LRRC9: variants seen among roughly 807,000 people sequenced by gnomAD.
The protein encoded by LRRC9 is leucine-rich repeat-containing protein 9.
In LRRC9, 122 loss-of-function variants were observed where a neutral mutation model predicts 63.2. The observed-to-expected ratio is 1.93, with a 90% CI of 1.67 to 2.24. The LOEUF is 2.24. Among genes scored for constraint, LRRC9 ranks in the 30% most tolerant of loss-of-function variants. The pLI, the probability that LRRC9 is intolerant of heterozygous loss-of-function variation, is 0.00. For missense variants in LRRC9, 1,071 were observed against 627.7 expected (o/e 1.71, Z -7.55); for synonymous variants, 366 against 213.1 (o/e 1.72, Z -6.25).
intron 8 of LRRC9, among the ~76,000 whole-genome samples, chr14:59,953,887 A>C (rs1883438533): frequency 6.6e-6 from 1 of 152,158 alleles, no homozygotes; most frequent in Non-Finnish European, 1.5e-5. Context: ...ATGGCTAGCC[A>C]GTTTTCTCAG....
rs1426783703 is a variant in LRRC9 at position 59,958,880 on chromosome 14, G to A, written c.883-938G>A. 1.3e-5 allele frequency among the ~76,000 whole-genome samples: 2 copies of A among 152,208 alleles called. No individual in the cohort carries two copies. Among genetic ancestry groups the A allele is most frequent in the Admixed American group, 1.3e-4 (2 of 15,288 alleles). On this transcript the variant is annotated intron_variant, in intron 8 of 31. Transcript: ENST00000445360. This position sits in a 1 kb window ranked among gnomAD's most constrained non-coding sequence, Gnocchi z 4.0. The stretch of plus-strand genomic sequence containing the variant: ...TGGGGGAGGGAGGTCCCTGCTCCTT[G>A]CACTTCCTGGGTGATGTGACACCCC...
intron 23 of LRRC9, among the ~76,000 whole-genome samples, chr14:60,011,874 CAGA>C (rs1890284940): frequency 2.0e-5 from 3 of 152,136 alleles, no homozygotes; most frequent in Admixed American, 1.3e-4. Flanking sequence ...TTTTATATGA[CAGA>C]AGATCATCTG....
intron 8 of LRRC9, among the ~76,000 whole-genome samples, chr14:59,953,672 C>T (rs895691837): frequency 1.4e-4 from 21 of 152,178 alleles, no homozygotes; most frequent in African/African-American, 4.8e-4. Flanking sequence ...TTATTAGATC[C>T]CATTTGTCAA....
chr14:59,943,359 T>C (rs1315276985), intron 7 of LRRC9, among the ~76,000 whole-genome samples: 1 of 152,140 alleles, frequency 6.6e-6, no homozygotes, highest in African/African-American at 2.4e-5. Flanking sequence ...TTCATTCTTC[T>C]GTATGTGGAT....
chr14:60,008,908 C>T (rs1890030662), intron 23 of LRRC9, among the ~76,000 whole-genome samples: 1 of 152,174 alleles, frequency 6.6e-6, no homozygotes, highest in South Asian at 2.1e-4. Context: ...ATTACTAATC[C>T]TAGCCCTTCT....
rs1212479765 is a variant in LRRC9, at chr14:60,031,334, A to C, written c.3922-661A>C. Among the ~76,000 whole-genome samples the C allele has an allele frequency of 6.6e-6, 1 of 152,068 alleles. No individual in the cohort carries two copies. Among genetic ancestry groups the C allele is most frequent in the East Asian group, 1.9e-4 (1 of 5,198 alleles). On this transcript the variant is annotated intron_variant, in intron 28 of 31. Coordinates refer to ENST00000445360, the Ensembl canonical transcript of LRRC9. The surrounding 1 kb of genome is among the most constrained non-coding windows in gnomAD (Gnocchi z 4.6). ...ACAAAGGAATACAGGCATGTCAATA[A>C]CTTTGTTGTGTTATATGAACTAGCA...
intron 15 of LRRC9, among the ~76,000 whole-genome samples, chr14:59,978,881 A>G (rs1341528189): frequency 6.6e-6 from 1 of 152,204 alleles, no homozygotes; most frequent in Non-Finnish European, 1.5e-5. Context: ...ACTGTTTTAC[A>G]AATTTCCAAG....
intron 29 of LRRC9, among the ~76,000 whole-genome samples, chr14:60,048,034 T>C (rs535432280): frequency 6.6e-6 from 1 of 152,328 alleles, no homozygotes; most frequent in African/African-American, 2.4e-5. Context: ...AACCTGCTCC[T>C]GAATGACTGC....
At position 60,042,093 on chromosome 14, in the gene LRRC9, T is replaced by C. The variant is rs1015098119; in HGVS notation, c.3990+10030T>C. On this transcript the variant is annotated intron_variant, in intron 29 of 31. Transcript: ENST00000445360. The surrounding 1 kb of genome is among the most constrained non-coding windows in gnomAD (Gnocchi z 4.2). Reference sequence around the variant, plus strand: ...ATTGCAGAACGGCAAATGTTGCTGCTTGATCCTTCCTCTGGAACCTTCGTC... The same window carrying C: ...ATTGCAGAACGGCAAATGTTGCTGCCTGATCCTTCCTCTGGAACCTTCGTC... 1.1e-4 allele frequency among the ~76,000 whole-genome samples: 16 copies of C among 152,186 alleles called. No homozygotes were observed. Among genetic ancestry groups the C allele is most frequent in the Non-Finnish European group, 2.1e-4 (14 of 68,032 alleles).
intron 31 of LRRC9, chr14:60,059,116 G>A (rs895017518): frequency 3.3e-5 from 5 of 151,840 alleles, no homozygotes; most frequent in Non-Finnish European, 5.9e-5. Context: ...TTCCTTCTCA[G>A]GTAAAAGCAT....
At chr14:59,949,270 A>C (rs1159130599) in intron 8 of LRRC9, among the ~76,000 whole-genome samples, 1 of 152,184 alleles carries the variant, frequency 6.6e-6, no homozygotes, top group Non-Finnish European at 1.5e-5. Flanking sequence ...TTATCCATTT[A>C]TTCTAGATTT....
chr14:60,032,265 T>C (rs1892051627), intron 29 of LRRC9, among the ~76,000 whole-genome samples: 1 of 152,142 alleles, frequency 6.6e-6, no homozygotes, highest in Non-Finnish European at 1.5e-5. Context: ...CTGTTTCAGG[T>C]TTCAACATTG....
Position 60,062,012 on chromosome 14 carries a change from C to CA in LRRC9, c.4277-1303dup, listed in dbSNP as rs887578557. The CA allele has an allele frequency of 1.2e-4, 48 of 397,782 alleles. 1 individual carries two copies. The South Asian group carries it at 1.3e-3, about 11-fold the overall frequency. 24.6% of individuals were successfully genotyped at this position (397,782 alleles called of 1,614,324 possible). On this transcript the variant is annotated intron_variant, in intron 31 of 31. Coordinates refer to ENST00000445360, the Ensembl canonical transcript of LRRC9. ...CAAATTTCTAATTTCTAATTTCAGA[C>CA]AAAAAAAACAAGAATGCTGGGATTC...
At chr14:59,957,268 A>G (rs981941307) in intron 8 of LRRC9, among the ~76,000 whole-genome samples, 1 of 152,084 alleles carries the variant, frequency 6.6e-6, no homozygotes, top group Admixed American at 6.6e-5. Context: ...GACCCCAATC[A>G]ACCAGAGATT....
At chr14:60,054,588 G>A (rs1240179971) in intron 30 of LRRC9, among the ~76,000 whole-genome samples, 2 of 152,020 alleles carry the variant, frequency 1.3e-5, no homozygotes, top group Non-Finnish European at 1.5e-5. Context: ...AACCAAAACT[G>A]GAAATTGTAG....
intron 17 of LRRC9, among the ~76,000 whole-genome samples, chr14:59,988,372 C>T (rs1044042953): frequency 2.6e-5 from 4 of 152,062 alleles, no homozygotes; most frequent in African/African-American, 4.8e-5. Flanking sequence ...TGCACGCATG[C>T]GTGTGTATAA....
intron 13 of LRRC9, 67 bp from the exon 14 acceptor site, chr14:59,977,158 A>T (rs1242698797): frequency 3.2e-6 from 2 of 621,650 alleles, no homozygotes; most frequent in Non-Finnish European, 5.6e-6. Context: ...GCCAATAAAG[A>T]AGGTTATGTT....
At chr14:59,948,992 C>A (rs540016537) in intron 8 of LRRC9, among the ~76,000 whole-genome samples, 1 of 95,692 alleles carries the variant, frequency 1.0e-5, no homozygotes, top group African/African-American at 4.3e-5. Context: ...TGTCTCTGCC[C>A]GGCTTTGGTA....
chr14:60,040,165 G>C (rs1036621186), intron 29 of LRRC9, among the ~76,000 whole-genome samples: 3 of 151,964 alleles, frequency 2.0e-5, no homozygotes, highest in Non-Finnish European at 2.9e-5. Flanking sequence ...TTGCTGAGGA[G>C]TGCTTTACTT....
Sources: gnomAD v4.1 joint callset for allele counts (sites outside exome capture counted in the v4.1 genomes callset) on GRCh38, gnomAD v4.1.1 for gene constraint, Gnocchi (gnomAD v3.1) non-coding constraint, MANE v1.5 for transcripts, NCBI Gene and HGNC (gene_info 2026-07-23, HGNC 2026-07-21) for gene names.